The following CHD9 variants were observed in gnomAD, a reference collection of about 807,000 sequenced individuals.
The protein encoded by CHD9 is chromodomain helicase DNA binding protein 9.
A neutral mutation model predicts 316.1 loss-of-function variants in CHD9; 77 were observed. That is an observed-to-expected ratio of 0.24 (90% CI 0.20 to 0.29). CHD9 has a LOEUF of 0.29. CHD9 is among the 10% of genes least tolerant of loss of function. The probability of loss-of-function intolerance (pLI) is 1.00; values close to 1 mark genes in which losing one functional copy is unlikely to be tolerated. For synonymous variants in CHD9, 1,129 were observed against 1,158.3 expected, an observed-to-expected ratio of 0.97 and a Z score of 0.51; for missense variants, 2,763 against 3,438.1, an observed-to-expected ratio of 0.80 and a Z score of 4.91.
chr16:53,089,009 G>T (rs2035707172), intron 1 of CHD9, among the ~76,000 whole-genome samples: 1 of 152,156 alleles, frequency 6.6e-6, no homozygotes, highest in Admixed American at 6.5e-5. Context: ...CTACTCAGGA[G>T]TCTGTGGCAG....
chr16:53,306,205 T>C, intron 31 of CHD9, 32 bp from the exon 32 acceptor site: 1 of 1,359,288 alleles, frequency 7.4e-7, no homozygotes, highest in Non-Finnish European at 9.7e-7. Flanking sequence ...TATGTAGTCT[T>C]TTTAAAAAAT....
intron 1 of CHD9, among the ~76,000 whole-genome samples, chr16:53,151,840 G>A (rs2041144693): frequency 6.6e-6 from 1 of 152,042 alleles, no homozygotes; most frequent in Admixed American, 6.5e-5. Context: ...TTAGCTCTTT[G>A]ATCATATCTA....
rs547654986 is a variant in CHD9, at chr16:53,077,697, G to T, written c.-165+22620G>T. On this transcript the variant is annotated intron_variant, in intron 1 of 38. Coordinates refer to ENST00000447540, the MANE Select transcript of CHD9 (RefSeq NM_001308319.2). Reference sequence around the variant, plus strand: ...TTTACAATATGTAATGATTAAATCAGGCTAGTTGATGAATTCAGTACCTCA... The same window carrying T: ...TTTACAATATGTAATGATTAAATCATGCTAGTTGATGAATTCAGTACCTCA... Among the ~76,000 whole-genome samples the T allele has an allele frequency of 7.5e-4, 114 of 152,276 alleles. 1 individual carries two copies. The South Asian group carries it at 0.022, about 29-fold the overall frequency.
chr16:53,313,688 T>TA (rs2056653936), intron 34 of CHD9, among the ~76,000 whole-genome samples: 1 of 144,108 alleles, frequency 6.9e-6, no homozygotes, highest in African/African-American at 2.6e-5. Context: ...CTCACGCCTG[T>TA]AATCCTAGCA....
At chr16:53,167,236 A>G (rs2042331071) in intron 2 of CHD9, among the ~76,000 whole-genome samples, 1 of 152,214 alleles carries the variant, frequency 6.6e-6, no homozygotes, top group Non-Finnish European at 1.5e-5. Flanking sequence ...TTAAAAATGT[A>G]ACTTTACTGT....
intron 2 of CHD9, among the ~76,000 whole-genome samples, chr16:53,187,452 G>A (rs1225857956): frequency 6.6e-6 from 1 of 152,108 alleles, no homozygotes; most frequent in African/African-American, 2.4e-5. Context: ...GTTACCGTGA[G>A]CTATGATCAC....
chr16:53,242,225 A>G (rs753545483), intron 12 of CHD9, among the ~76,000 whole-genome samples: 1 of 152,100 alleles, frequency 6.6e-6, no homozygotes, highest in South Asian at 2.1e-4. Context: ...CTTATCCCAC[A>G]TCCTTGTTTT....
At chr16:53,150,018 AGATGGATTAT>A (rs1219996131) in intron 1 of CHD9, among the ~76,000 whole-genome samples, 5 of 152,114 alleles carry the variant, frequency 3.3e-5, no homozygotes, top group African/African-American at 1.2e-4. Context: ...ACAGTATATA[AGATGGATTAT>A]GTTTTTATTT....
In CHD9 at chr16:53,242,826, T is replaced by G; in HGVS notation, c.2878-14T>G. ...AAAATATTCCAGCAAATAATTATAT[T>G]TGATCATTTCTAGGGGCGTATCATT... On this transcript the variant is annotated splice_polypyrimidine_tract_variant and intron_variant, in intron 12 of 38. Coordinates refer to ENST00000447540, the MANE Select transcript of CHD9 (RefSeq NM_001308319.2). 6.3e-7 allele frequency: 1 copy of G among 1,593,020 alleles called. No homozygotes were observed.
chr16:53,262,028 A>G (rs2051186254), intron 19 of CHD9, among the ~76,000 whole-genome samples: 1 of 152,022 alleles, frequency 6.6e-6, no homozygotes, highest in Non-Finnish European at 1.5e-5. Flanking sequence ...TTTTATCAAG[A>G]CTTTTTCTTT....
At chr16:53,319,178 T>G (rs2057093310) in intron 37 of CHD9, among the ~76,000 whole-genome samples, 2 of 152,252 alleles carry the variant, frequency 1.3e-5, no homozygotes, top group Admixed American at 1.3e-4. Flanking sequence ...TTTTTTATTC[T>G]GATGAGCAAG....
intron 2 of CHD9, among the ~76,000 whole-genome samples, chr16:53,185,953 A>G (rs911654531): frequency 6.6e-6 from 1 of 152,246 alleles, no homozygotes; most frequent in African/African-American, 2.4e-5. Context: ...AGTGTGCTGC[A>G]GGAGTGGAGC....
intron 20 of CHD9, among the ~76,000 whole-genome samples, chr16:53,263,919 G>A (rs1049680826): frequency 6.6e-5 from 10 of 151,914 alleles, no homozygotes; most frequent in African/African-American, 2.2e-4. Context: ...ATAAAAGTTC[G>A]TAAGTGAGTT....
chr16:53,229,773 T>G (rs2048012222), intron 8 of CHD9, among the ~76,000 whole-genome samples: 1 of 152,216 alleles, frequency 6.6e-6, no homozygotes, highest in Non-Finnish European at 1.5e-5. Context: ...CACACACGTA[T>G]TTTTCTAAAC....
chr16:53,224,563 A>G (rs1398363083), intron 4 of CHD9, among the ~76,000 whole-genome samples: 1 of 152,150 alleles, frequency 6.6e-6, no homozygotes, highest in Non-Finnish European at 1.5e-5. Flanking sequence ...GAGGTCACTC[A>G]TTTACTATTT....
chr16:53,159,096 G>A (rs1316814277), intron 2 of CHD9, among the ~76,000 whole-genome samples: 2 of 152,144 alleles, frequency 1.3e-5, no homozygotes, highest in Non-Finnish European at 2.9e-5. Context: ...ACCATGTAAC[G>A]ATACTCTGTC....
intron 3 of CHD9, among the ~76,000 whole-genome samples, chr16:53,210,138 A>G (rs1403098618): frequency 4.6e-5 from 7 of 152,158 alleles, no homozygotes; most frequent in African/African-American, 1.7e-4. Context: ...TGCCAGTTTC[A>G]TATTCACTTT....
intron 18 of CHD9, among the ~76,000 whole-genome samples, chr16:53,255,245 G>C (rs755681114): frequency 1.3e-5 from 2 of 152,086 alleles, no homozygotes; most frequent in Non-Finnish European, 2.9e-5. Flanking sequence ...GGAGGTCAAG[G>C]CTGCAGTGAG....
chr16:53,069,381 T>G (rs1268961858), intron 1 of CHD9, among the ~76,000 whole-genome samples: 1 of 152,204 alleles, frequency 6.6e-6, no homozygotes, highest in African/African-American at 2.4e-5. Context: ...TCCAGAACTC[T>G]TTTTCATCTT....
Sources: allele counts gnomAD v4.1 joint callset (sites outside exome capture counted in the v4.1 genomes callset), GRCh38; gene constraint gnomAD v4.1.1; transcripts MANE v1.5; gene names NCBI Gene and HGNC (gene_info 2026-07-23, HGNC 2026-07-21).